Variants in TRIT1 observed in about 807,000 individuals in gnomAD.
The protein encoded by TRIT1 is tRNA dimethylallyltransferase.
In TRIT1, 43 loss-of-function variants were observed where a neutral mutation model predicts 51.2. The ratio of observed to expected loss-of-function variants is 0.84; its 90% CI spans 0.66 to 1.08. The LOEUF is 1.08. Among genes scored for constraint, TRIT1 ranks in the 50% least tolerant of loss-of-function variants. TRIT1 has a pLI of 0.00. For missense variants in TRIT1, 528 were observed against 578.4 expected, an observed-to-expected ratio of 0.91 and a Z score of 0.89; for synonymous variants, 184 against 203.9, an observed-to-expected ratio of 0.90 and a Z score of 0.83.
In TRIT1 at chr1:39,857,384, C is replaced by T. The variant is rs965726994; in HGVS notation, c.208G>A (p.Val70Ile). 8 of 1,614,074 alleles carry T rather than the reference C, an allele frequency of 5.0e-6. No individual in the cohort carries two copies. The highest frequency in any genetic ancestry group is 5.9e-6 in the Non-Finnish European group (7 of 1,179,998). Reference sequence around the variant, plus strand: ...CAGATTCTCTGCTCTTGGGCAGAAACCTTGTTGGTGATGATGTCTAGGCCT... The same window carrying T: ...CAGATTCTCTGCTCTTGGGCAGAAATCTTGTTGGTGATGATGTCTAGGCCT... ...YEGLDIITNK[V>I]SAQEQRICRH... Residue 70 changes from valine (V) to isoleucine (I), a missense_variant, in exon 2 of 11, where the codon GTT becomes ATT. Around this residue, in one of 3 missense-constraint regions of TRIT1, gnomAD observed 468 missense variants for 522.6 expected, o/e 0.90. Coordinates refer to ENST00000316891, the MANE Select transcript of TRIT1 (RefSeq NM_017646.6).
intron 1 of TRIT1, among the ~76,000 whole-genome samples, chr1:39,876,582 G>A (rs148031014): frequency 5.1e-5 from 7 of 137,980 alleles, no homozygotes; most frequent in African/African-American, 1.1e-4. Flanking sequence ...ATGATGAGTC[G>A]AAAATTTTGA....
chr1:39,864,338 G>A (rs374607140), intron 1 of TRIT1, among the ~76,000 whole-genome samples: 41 of 151,840 alleles, frequency 2.7e-4, no homozygotes, highest in African/African-American at 8.4e-4. Flanking sequence ...GGCCAGGCGC[G>A]GTGGCTCATA....
intron 10 of TRIT1, among the ~76,000 whole-genome samples, chr1:39,843,699 G>A (rs989683453): frequency 6.6e-6 from 1 of 152,070 alleles, no homozygotes; most frequent in Non-Finnish European, 1.5e-5. Context: ...TCCCAGCTAT[G>A]CTTCTGCTTC....
chr1:39,883,507 G>A (rs764368349), upstream of TRIT1: 9 of 1,583,754 alleles, frequency 5.7e-6, no homozygotes, highest in Non-Finnish European at 7.8e-6. Flanking sequence ...GGCAGTCTGC[G>A]CTTGCGCCGG....
chr1:39,853,437 C>G (rs1404640442), intron 3 of TRIT1, among the ~76,000 whole-genome samples: 1 of 151,628 alleles, frequency 6.6e-6, no homozygotes, highest in African/African-American at 2.4e-5. Flanking sequence ...CGCTCTGTTG[C>G]CCAGGCTGGA....
intron 1 of TRIT1, among the ~76,000 whole-genome samples, chr1:39,871,061 C>A (rs925741889): frequency 6.6e-6 from 1 of 152,082 alleles, no homozygotes; most frequent in African/African-American, 2.4e-5. Context: ...GGCGTGGTCG[C>A]ACATGCCTGT....
chr1:39,860,349 T>C (rs1365220820), intron 1 of TRIT1, among the ~76,000 whole-genome samples: 1 of 152,234 alleles, frequency 6.6e-6, no homozygotes, highest in Non-Finnish European at 1.5e-5. Flanking sequence ...TTACATATAA[T>C]ATGGTTTTAT....
chr1:39,859,437 T>C (rs1210419470), intron 1 of TRIT1, among the ~76,000 whole-genome samples: 2 of 150,544 alleles, frequency 1.3e-5, no homozygotes, highest in African/African-American at 4.9e-5. Flanking sequence ...AATGAAAAAT[T>C]AGCCAGGTGT....
intron 1 of TRIT1, among the ~76,000 whole-genome samples, chr1:39,869,834 C>T (rs1280815182): frequency 2.6e-5 from 4 of 152,132 alleles, no homozygotes; most frequent in Non-Finnish European, 4.4e-5. Flanking sequence ...GCCCGGCAGC[C>T]GCCCCGTCTG....
At chr1:39,846,105 A>C (rs1273543308) in intron 8 of TRIT1, among the ~76,000 whole-genome samples, 2 of 152,252 alleles carry the variant, frequency 1.3e-5, no homozygotes. Flanking sequence ...GATGACACTA[A>C]GACTTCTATC....
intron 9 of TRIT1, 65 bp from the exon 10 acceptor site, chr1:39,844,283 G>C: frequency 7.4e-7 from 1 of 1,356,138 alleles, no homozygotes; most frequent in Non-Finnish European, 1.0e-6. Flanking sequence ...TCTCTATTAA[G>C]GGAAATGGGA....
intron 8 of TRIT1, among the ~76,000 whole-genome samples, chr1:39,845,540 G>A (rs891390659): frequency 2.6e-5 from 4 of 152,250 alleles, no homozygotes; most frequent in Non-Finnish European, 4.4e-5. Context: ...TCATAAACTG[G>A]ACTGGGCTGC....
chr1:39,860,394 C>T (rs1203501199), intron 1 of TRIT1, among the ~76,000 whole-genome samples: 4 of 152,170 alleles, frequency 2.6e-5, no homozygotes, highest in African/African-American at 9.7e-5. Flanking sequence ...AAATCTAAAA[C>T]TGAAAACTTC....
intron 1 of TRIT1, among the ~76,000 whole-genome samples, chr1:39,866,549 T>C (rs1010660349): frequency 2.0e-5 from 3 of 152,220 alleles, no homozygotes; most frequent in Non-Finnish European, 4.4e-5. Flanking sequence ...AAACTTTTTT[T>C]AAACATAACT....
intron 1 of TRIT1, among the ~76,000 whole-genome samples, chr1:39,872,816 G>T (rs765999650): frequency 1.8e-5 from 2 of 109,196 alleles, no homozygotes; most frequent in Non-Finnish European, 3.5e-5. Context: ...GGAAGGAAGG[G>T]AGGGAGGGAG....
Position 39,848,033 on chromosome 1 carries a change from T to C in TRIT1, c.768A>G (p.Leu256=). ...DMLAAGLLEE[L]RDFHRRYNQK... ...GATTATAGCGTCTGTGAAAATCTCT[T>C]AGTTCCTCCAAGAGCCCAGCAGCAA... Residue 256 remains leucine, a synonymous_variant, in exon 6 of 11, where the codon CTA becomes CTG. Coordinates refer to ENST00000316891, the MANE Select transcript of TRIT1 (RefSeq NM_017646.6). 1 of 1,614,150 alleles carries C rather than the reference T, an allele frequency of 6.2e-7. No individual in the cohort carries two copies.
chr1:39,851,238 A>G (rs1642549675), intron 4 of TRIT1, among the ~76,000 whole-genome samples: 1 of 152,204 alleles, frequency 6.6e-6, no homozygotes, highest in African/African-American at 2.4e-5. Context: ...AAAGATTAAA[A>G]AAAAAGAAAG....
rs1004198230 is a variant in TRIT1 at position 39,838,707 on chromosome 1, C to T, written c.*3037G>A. On this transcript the variant is annotated 3_prime_UTR_variant, in exon 11 of 11. Coordinates refer to ENST00000316891, the MANE Select transcript of TRIT1 (RefSeq NM_017646.6). ...GTGCTGACTGGGTCTCACCATGTTG[C>T]CTAGGCTGGTCTCAAACTCCTAGGC... 2.6e-5 allele frequency among the ~76,000 whole-genome samples: 4 copies of T among 152,148 alleles called. No homozygotes were observed. The highest frequency in any genetic ancestry group is 5.9e-5 in the Non-Finnish European group (4 of 68,036).
intron 1 of TRIT1, chr1:39,881,639 G>T (rs1337164086): frequency 2.6e-5 from 4 of 151,938 alleles, no homozygotes; most frequent in Admixed American, 6.6e-5. Context: ...AACTGACTGT[G>T]AACAATCAAC....
Sources: gnomAD v4.1 joint callset for allele counts (sites outside exome capture counted in the v4.1 genomes callset) on GRCh38, gnomAD v4.1.1 for gene constraint, gnomAD v4.1.1 regional missense constraint, MANE v1.5 for transcripts, NCBI Gene and HGNC (gene_info 2026-07-23, HGNC 2026-07-21) for gene names.